BTBD7: variants seen among roughly 807,000 people sequenced by gnomAD.
The protein encoded by BTBD7 is BTB/POZ domain-containing protein 7.
In BTBD7, 38 loss-of-function variants were observed where a neutral mutation model predicts 99.9. The ratio of observed to expected loss-of-function variants is 0.38; its 90% CI spans 0.29 to 0.50. BTBD7 has a LOEUF of 0.50. BTBD7 is among the 20% of genes least tolerant of loss of function. BTBD7 has a pLI of 0.93. For synonymous variants in BTBD7, 520 were observed against 511.4 expected, an observed-to-expected ratio of 1.02 and a Z score of -0.23; for missense variants, 1,170 against 1,394.6, an observed-to-expected ratio of 0.84 and a Z score of 2.57.
chr14:93,300,745 TGTGTGTG>T lies in BTBD7; in HGVS notation c.-106-4595_-106-4589del, dbSNP rs1566857050. Among the ~76,000 whole-genome samples the T allele has an allele frequency of 3.3e-5, 3 of 92,018 alleles. No individual in the cohort carries two copies. In the East Asian group the frequency reaches 9.4e-4, roughly 29 times the overall value. 60.4% of individuals were successfully genotyped at this position (92,018 alleles called of 152,430 possible). A position where few individuals can be genotyped will look rare whatever the true frequency, so the allele number is the denominator to read the frequency against. On this transcript the variant is annotated intron_variant, in intron 1 of 10. Transcript: ENST00000334746. ...GTGTGTGTGTGTGTGTGTGTGTGTG[TGTGTGTG>T]TGTGTGTGTGTGTGTGTGTGTATAT...
At position 93,257,281 on chromosome 14, in the gene BTBD7, C is replaced by T; in HGVS notation, c.1522G>A (p.Glu508Lys). The T allele has an allele frequency of 6.2e-7, 1 of 1,614,106 alleles. No homozygotes were observed. Among genetic ancestry groups the T allele is most frequent in the South Asian group, 1.1e-5 (1 of 91,078 alleles). ...AGAGAAGAAAGGATCTCTCTGAGCT[C>T]TTCCATGTCCAGGTCCCGTCTTTTT... is the stretch of plus-strand genomic sequence containing the variant. Reference protein sequence around the residue: ...GVKRRDLDMEELREILSSLLP... With the variant: ...GVKRRDLDMEKLREILSSLLP... The change falls in exon 6 of 11, where the codon GAG becomes AAG. Residue 508 changes from glutamate (E) to lysine (K), a missense_variant. Glu to Lys is a moderately conservative substitution (Grantham distance 56, BLOSUM62 1). Coordinates refer to ENST00000334746, the MANE Select transcript of BTBD7 (RefSeq NM_001002860.4).
intron 3 of BTBD7, 61 bp from the exon 4 acceptor site, chr14:93,264,054 T>G: frequency 6.9e-7 from 1 of 1,448,070 alleles, no homozygotes; most frequent in Admixed American, 1.7e-5. Context: ...TGAACATTAG[T>G]GTGCTAGGCA....
Position 93,240,880 on chromosome 14 carries a change from T to C in BTBD7, c.*1393A>G, listed in dbSNP as rs2052217961. On this transcript the variant is annotated 3_prime_UTR_variant, in exon 11 of 11. Transcript: ENST00000334746. Reference sequence around the variant, plus strand: ...ATGTAGTGTTTAACTGAAAACAATTTTTTTCCTTTTTTCTGTTGGTGAGAA... The same window carrying C: ...ATGTAGTGTTTAACTGAAAACAATTCTTTTCCTTTTTTCTGTTGGTGAGAA... The C allele has an allele frequency of 6.6e-6, 1 of 152,610 alleles. No individual in the cohort carries two copies. 9.5% of individuals were successfully genotyped at this position (152,610 alleles called of 1,614,324 possible).
chr14:93,251,729 T>C, intron 7 of BTBD7, 77 bp from the exon 8 acceptor site: 1 of 1,212,174 alleles, frequency 8.2e-7, no homozygotes, highest in South Asian at 2.6e-5. Context: ...GACTATTACT[T>C]TCATCAAATA....
At chr14:93,275,728 T>C (rs533622578) in intron 3 of BTBD7, among the ~76,000 whole-genome samples, 1 of 152,310 alleles carries the variant, frequency 6.6e-6, no homozygotes, top group South Asian at 2.1e-4. Flanking sequence ...TTGAATACTG[T>C]AGGCAACTAT....
intron 3 of BTBD7, chr14:93,288,289 T>G: frequency 1.8e-6 from 1 of 569,600 alleles, no homozygotes; most frequent in Admixed American, 3.4e-5. Context: ...TTGTTAGATG[T>G]TAGACCCTGG....
At chr14:93,246,900 A>G (rs529442895) in intron 9 of BTBD7, among the ~76,000 whole-genome samples, 7 of 132,518 alleles carry the variant, frequency 5.3e-5, no homozygotes, top group African/African-American at 1.9e-4. Context: ...ATGAAAATCA[A>G]CAATCTAAAA....
chr14:93,247,096 G>A (rs1421297581), intron 9 of BTBD7, among the ~76,000 whole-genome samples: 1 of 151,912 alleles, frequency 6.6e-6, no homozygotes, highest in Non-Finnish European at 1.5e-5. Context: ...GTGCAATCAT[G>A]GCTCACTGCA....
chr14:93,267,922 G>T (rs922220331), intron 3 of BTBD7, among the ~76,000 whole-genome samples: 3 of 152,160 alleles, frequency 2.0e-5, no homozygotes, highest in African/African-American at 7.2e-5. Flanking sequence ...ACTGTTGCCA[G>T]AATGATCTTT....
rs1043582921 is a variant in BTBD7, at chr14:93,267,392, C to G, written c.1163-3399G>C. Among the ~76,000 whole-genome samples the G allele has an allele frequency of 4.6e-5, 7 of 152,302 alleles. No individual in the cohort carries two copies. The South Asian group carries it at 6.2e-4, about 14-fold the overall frequency. On this transcript the variant is annotated intron_variant, in intron 3 of 10. Transcript: ENST00000334746. Reference sequence around the variant, plus strand: ...TCATCTGCAAAGCTGAGATTATTTCCTACCTCACAGGGTTGTTATGGGATT... The same window carrying G: ...TCATCTGCAAAGCTGAGATTATTTCGTACCTCACAGGGTTGTTATGGGATT...
chr14:93,291,992 G>A (rs748597651), intron 3 of BTBD7, among the ~76,000 whole-genome samples: 5 of 152,248 alleles, frequency 3.3e-5, no homozygotes, highest in Middle Eastern at 3.4e-3. Flanking sequence ...TTTGAGACCA[G>A]CCTGGCCAAC....
At chr14:93,255,928 G>A (rs2052424338) in intron 6 of BTBD7, 1 of 152,196 alleles carries the variant, frequency 6.6e-6, no homozygotes, top group Non-Finnish European at 1.5e-5. Flanking sequence ...TGTGTAATTA[G>A]TGAGGGTGAA....
Position 93,294,132 on chromosome 14 carries a change from T to C in BTBD7, c.888A>G (p.Ile296Met), listed in dbSNP as rs2052892889. 4.3e-6 allele frequency: 7 copies of C among 1,614,214 alleles called. No individual in the cohort carries two copies. The highest frequency in any genetic ancestry group is 4.2e-6 in the Non-Finnish European group (5 of 1,180,024). ...GGTCTGTGATTTCTTCACCAGTTCGTATCCTCCTTTGTAATAAATTTCGAA... is the reference window on the plus strand; with the variant it reads ...GGTCTGTGATTTCTTCACCAGTTCGCATCCTCCTTTGTAATAAATTTCGAA... ...PFFRNLLQRRIRTGEEITDRT... is the reference protein window; with the variant it reads ...PFFRNLLQRRMRTGEEITDRT... Residue 296 changes from isoleucine to methionine, a missense_variant, in exon 3 of 11, where the codon ATA becomes ATG. This residue lies in a region of BTBD7 where 359 missense variants were observed against 497.9 expected (regional missense o/e 0.72). Coordinates refer to ENST00000334746, the MANE Select transcript of BTBD7 (RefSeq NM_001002860.4).
chr14:93,319,039 T>C (rs2053239732), intron 1 of BTBD7, among the ~76,000 whole-genome samples: 1 of 152,024 alleles, frequency 6.6e-6, no homozygotes, highest in Non-Finnish European at 1.5e-5. Flanking sequence ...CAACAGGCTG[T>C]TACAAAAAAA....
Position 93,293,919 on chromosome 14 carries a change from T to C in BTBD7, c.1101A>G (p.Ala367=). The change falls in exon 3 of 11, where the codon GCA becomes GCG. Residue 367 remains alanine, a synonymous_variant. Coordinates refer to ENST00000334746, the MANE Select transcript of BTBD7 (RefSeq NM_001002860.4). Reference sequence around the variant, plus strand: ...TGTGGTAAAGTTCCATGGCTTCTTCTGCCCTGGTCATGTTTGGCTTCCCTG... The same window carrying C: ...TGTGGTAAAGTTCCATGGCTTCTTCCGCCCTGGTCATGTTTGGCTTCCCTG... ...LVAGKPNMTR[A]EEAMELYHIA... The C allele has an allele frequency of 2.5e-6, 4 of 1,613,824 alleles. No homozygotes were observed. Among genetic ancestry groups the C allele is most frequent in the East Asian group, 2.2e-5 (1 of 44,894 alleles).
At chr14:93,274,294 C>T (rs939993073) in intron 3 of BTBD7, among the ~76,000 whole-genome samples, 3 of 152,200 alleles carry the variant, frequency 2.0e-5, no homozygotes, top group Admixed American at 6.5e-5. Flanking sequence ...GCCCACTGCA[C>T]AACCTCTCTG....
intron 1 of BTBD7, among the ~76,000 whole-genome samples, chr14:93,303,960 T>C (rs1595331689): frequency 6.6e-6 from 1 of 152,348 alleles, no homozygotes; most frequent in South Asian, 2.1e-4. Context: ...TGCCTTGGCC[T>C]GGACATCCCC....
intron 4 of BTBD7, among the ~76,000 whole-genome samples, chr14:93,262,056 C>T (rs1183156097): frequency 2.6e-5 from 4 of 152,136 alleles, no homozygotes; most frequent in African/African-American, 9.7e-5. Flanking sequence ...GCCTCAACCT[C>T]CTGGGCTCAA....
chr14:93,275,729 A>G (rs770293843), intron 3 of BTBD7, among the ~76,000 whole-genome samples: 6 of 152,176 alleles, frequency 3.9e-5, no homozygotes, highest in Non-Finnish European at 8.8e-5. Flanking sequence ...TGAATACTGT[A>G]GGCAACTATA....
Sources: allele counts gnomAD v4.1 joint callset (sites outside exome capture counted in the v4.1 genomes callset), GRCh38; gene constraint gnomAD v4.1.1; regional missense constraint gnomAD v4.1.1; transcripts MANE v1.5; gene names NCBI Gene and HGNC (gene_info 2026-07-23, HGNC 2026-07-21).